MTARC2: variants seen among roughly 807,000 people sequenced by gnomAD.
MTARC2 encodes the protein MOCO sulphurase C-terminal domain containing 2.
In MTARC2, 27 loss-of-function variants were observed where a neutral mutation model predicts 35.6. The observed-to-expected ratio is 0.76, with a 90% CI of 0.56 to 1.04. The LOEUF (loss-of-function observed/expected upper bound fraction) is 1.04, where lower values mean the gene tolerates loss of function less well. MTARC2 is among the 50% of genes least tolerant of loss of function. The pLI is 0.00. For synonymous variants in MTARC2, 158 were observed against 167.1 expected, an observed-to-expected ratio of 0.95 and a Z score of 0.42; for missense variants, 412 against 432.5, an observed-to-expected ratio of 0.95 and a Z score of 0.42.
chr1:220,769,262 T>G (rs1488339995), intron 4 of MTARC2, among the ~76,000 whole-genome samples: 2 of 152,222 alleles, frequency 1.3e-5, no homozygotes, highest in Admixed American at 1.3e-4. Context: ...CGAGGTTCCT[T>G]CCGCACAGCC....
At chr1:220,769,697 G>T (rs1671681954) in intron 4 of MTARC2, among the ~76,000 whole-genome samples, 1 of 151,804 alleles carries the variant, frequency 6.6e-6, no homozygotes, top group African/African-American at 2.4e-5. Flanking sequence ...GACTTTAAAG[G>T]CTCTTTGCAG....
chr1:220,755,419 G>T (rs942981709), intron 2 of MTARC2, among the ~76,000 whole-genome samples: 1 of 152,170 alleles, frequency 6.6e-6, no homozygotes, highest in Admixed American at 6.5e-5. Flanking sequence ...GGCACGCTAC[G>T]CCACGCAAGG....
intron 1 of MTARC2, among the ~76,000 whole-genome samples, chr1:220,749,385 T>TGACACATA (rs1367502421): frequency 6.6e-6 from 1 of 151,520 alleles, no homozygotes; most frequent in Non-Finnish European, 1.5e-5. Flanking sequence ...CTTTTGGGCC[T>TGACACATA]GACACATAGA....
chr1:220,759,394 G>A lies in MTARC2; in HGVS notation c.447-2264G>A, dbSNP rs1457993825. On this transcript the variant is annotated intron_variant, in intron 2 of 7. Coordinates refer to ENST00000366913, the MANE Select transcript of MTARC2 (RefSeq NM_017898.5). ...AATGTAGAAGAGAGTGGACTTTGCAGAAAATTCTGCAAGAATTGGAGAAGA... is the reference window on the plus strand; with the variant it reads ...AATGTAGAAGAGAGTGGACTTTGCAAAAAATTCTGCAAGAATTGGAGAAGA... Among the ~76,000 whole-genome samples the A allele has an allele frequency of 2.6e-5, 4 of 152,210 alleles. No homozygotes were observed. The East Asian group carries it at 7.7e-4, about 29-fold the overall frequency.
chr1:220,760,432 A>G (rs999620463), intron 2 of MTARC2, among the ~76,000 whole-genome samples: 1 of 152,258 alleles, frequency 6.6e-6, no homozygotes, highest in Non-Finnish European at 1.5e-5. Flanking sequence ...TGAAATTACT[A>G]TAACTCCCAT....
chr1:220,769,847 C>CT (rs753815777), intron 4 of MTARC2, among the ~76,000 whole-genome samples: 20,460 of 125,504 alleles, frequency 0.16, 1,755 homozygotes, highest in Admixed American at 0.29. Flanking sequence ...TTGGCTTTTT[C>CT]TTTTTTTTTT....
chr1:220,753,786 C>G (rs926584705), intron 1 of MTARC2, among the ~76,000 whole-genome samples: 3 of 152,312 alleles, frequency 2.0e-5, no homozygotes, highest in African/African-American at 7.2e-5. Flanking sequence ...CACAGTGGCT[C>G]ATGCCTATAA....
chr1:220,783,996 C>G lies in MTARC2; in HGVS notation c.*109C>G, dbSNP rs574832412. 4.2e-6 allele frequency: 3 copies of G among 716,858 alleles called. No individual in the cohort carries two copies. The highest frequency in any genetic ancestry group is 2.3e-4 in the Middle Eastern group (1 of 4,392). The allele number at this position is 716,858 out of a possible 1,614,324, so 44.4% of individuals were successfully genotyped here. ...ACATCAGCAAATCCTTATTATCCAGCCTTCAACTATCTTTACCCTGGAAAA... is the reference window on the plus strand; with the variant it reads ...ACATCAGCAAATCCTTATTATCCAGGCTTCAACTATCTTTACCCTGGAAAA... On this transcript the variant is annotated 3_prime_UTR_variant, in exon 8 of 8. Transcript: ENST00000366913.
rs572235855 is a variant in MTARC2 at position 220,780,210 on chromosome 1, C to A, written c.855C>A (p.Asp285Glu). 1 of 1,612,626 alleles carries A rather than the reference C, an allele frequency of 6.2e-7. No homozygotes were observed. Among genetic ancestry groups the A allele is most frequent in the East Asian group, 2.2e-5 (1 of 44,836 alleles). ...TGGACCCAGACACTGGAGTCATAGA[C>A]AGGAAACAGCCACTGGACACCCTGA... ...TTVDPDTGVI[D>E]RKQPLDTLKS... is the part of the protein sequence containing the mutation. The change falls in exon 6 of 8, where the codon GAC becomes GAA. Residue 285 changes from aspartate to glutamate, a missense_variant. Coordinates refer to ENST00000366913, the MANE Select transcript of MTARC2 (RefSeq NM_017898.5).
chr1:220,775,090 A>G (rs1013508337), intron 4 of MTARC2, among the ~76,000 whole-genome samples: 1 of 152,192 alleles, frequency 6.6e-6, no homozygotes, highest in Non-Finnish European at 1.5e-5. Flanking sequence ...AAATGCCTAC[A>G]TGGATCTATG....
At chr1:220,766,406 T>C (rs774149) in intron 4 of MTARC2, among the ~76,000 whole-genome samples, 5,695 of 152,182 alleles carry the variant, frequency 0.037, 333 homozygotes, top group African/African-American at 0.13. Flanking sequence ...ATCAGATTCA[T>C]TAAATGCCTG....
chr1:220,755,750 A>G (rs1671260869), intron 2 of MTARC2, among the ~76,000 whole-genome samples: 1 of 152,194 alleles, frequency 6.6e-6, no homozygotes, highest in South Asian at 2.1e-4. Context: ...ATTTCTAGGA[A>G]TTGGTCAGCC....
At chr1:220,772,999 TC>T (rs1387755883) in intron 4 of MTARC2, among the ~76,000 whole-genome samples, 1 of 152,190 alleles carries the variant, frequency 6.6e-6, no homozygotes, top group Admixed American at 6.5e-5. Flanking sequence ...AAGAGGAGTT[TC>T]TTTTGTCATT....
chr1:220,749,755 A>G (rs960454359), intron 1 of MTARC2, among the ~76,000 whole-genome samples: 1 of 151,976 alleles, frequency 6.6e-6, no homozygotes, highest in African/African-American at 2.4e-5. Context: ...TCTGGCCGAG[A>G]TGGTTTAGCT....
At chr1:220,767,916 A>C (rs1289101519) in intron 4 of MTARC2, among the ~76,000 whole-genome samples, 1 of 152,194 alleles carries the variant, frequency 6.6e-6, no homozygotes, top group Admixed American at 6.5e-5. Context: ...AATCATGATC[A>C]CTAGACTTTT....
chr1:220,768,516 C>T (rs1671646254), intron 4 of MTARC2, among the ~76,000 whole-genome samples: 1 of 152,182 alleles, frequency 6.6e-6, no homozygotes, highest in Non-Finnish European at 1.5e-5. Context: ...AGGACTTGCA[C>T]TGTGGCTGGC....
chr1:220,777,013 G>A (rs1324569957), intron 4 of MTARC2, among the ~76,000 whole-genome samples: 1 of 152,218 alleles, frequency 6.6e-6, no homozygotes, highest in Non-Finnish European at 1.5e-5. Flanking sequence ...CGATCTACCA[G>A]GAGGTTAGCC....
chr1:220,773,898 A>G (rs1214568322), intron 4 of MTARC2, among the ~76,000 whole-genome samples: 1 of 152,142 alleles, frequency 6.6e-6, no homozygotes, highest in Non-Finnish European at 1.5e-5. Context: ...TTATTGCTAT[A>G]AATGTATACA....
At position 220,748,543 on chromosome 1, in the gene MTARC2, C is replaced by G. The variant is rs1320832361; in HGVS notation, c.12C>G (p.Ser4=). MGA[S]SSSALARLGL... is the part of the protein sequence containing the mutation. ...GCCCTCGCTCTGCCATGGGCGCTTCCAGCTCCTCCGCGCTGGCCCGCCTCG... is the reference window on the plus strand; with the variant it reads ...GCCCTCGCTCTGCCATGGGCGCTTCGAGCTCCTCCGCGCTGGCCCGCCTCG... The change falls in exon 1 of 8, where the codon TCC becomes TCG. Residue 4 remains serine (S), a synonymous_variant. Coordinates refer to ENST00000366913, the MANE Select transcript of MTARC2 (RefSeq NM_017898.5). 2.1e-6 allele frequency: 3 copies of G among 1,425,698 alleles called. No individual in the cohort carries two copies. The highest frequency in any genetic ancestry group is 2.7e-6 in the Non-Finnish European group (3 of 1,099,538). 88.3% of individuals were successfully genotyped at this position (1,425,698 alleles called of 1,614,324 possible). A position where few individuals can be genotyped will look rare whatever the true frequency, so the allele number is the denominator to read the frequency against.
Sources: allele counts gnomAD v4.1 joint callset (sites outside exome capture counted in the v4.1 genomes callset), GRCh38; gene constraint gnomAD v4.1.1; transcripts MANE v1.5; gene names NCBI Gene and HGNC (gene_info 2026-07-23, HGNC 2026-07-21).